The following NXPE2 variants were observed in gnomAD, a reference collection of about 807,000 sequenced individuals.
NXPE2 encodes the protein NXPE family member 2.
A neutral mutation model predicts 34.4 loss-of-function variants in NXPE2; 34 were observed. The observed-to-expected ratio is 0.99, with a 90% CI of 0.75 to 1.31. NXPE2 has a LOEUF of 1.31. NXPE2 is among the 40% of genes most tolerant of loss of function. The probability of loss-of-function intolerance (pLI) is 0.00; values close to 1 mark genes in which losing one functional copy is unlikely to be tolerated. For missense variants in NXPE2, 649 were observed against 672.5 expected, an observed-to-expected ratio of 0.97 and a Z score of 0.39; for synonymous variants, 235 against 231.3, an observed-to-expected ratio of 1.02 and a Z score of -0.15.
chr11:114,743,935 G>C, the NXPE2 span, among the ~76,000 whole-genome samples: 1 of 151,202 alleles, frequency 6.6e-6, no homozygotes, highest in Non-Finnish European at 1.5e-5. Context: ...ATATATAAGT[G>C]TATATTTATA....
chr11:114,685,390 T>C (rs1951028380), intron 2 of NXPE2, among the ~76,000 whole-genome samples: 1 of 152,152 alleles, frequency 6.6e-6, no homozygotes, highest in South Asian at 2.1e-4. Context: ...TGTACTTACA[T>C]GGTGGAATGG....
chr11:114,684,632 C>A (rs1212421202), intron 2 of NXPE2, among the ~76,000 whole-genome samples: 1 of 151,678 alleles, frequency 6.6e-6, no homozygotes. Context: ...GGAAGAGGAC[C>A]CTTGAGAAAC....
chr11:114,624,395 T>C, the NXPE2 span, among the ~76,000 whole-genome samples: 26 of 152,182 alleles, frequency 1.7e-4, no homozygotes, highest in East Asian at 4.1e-3. Flanking sequence ...ATGATAAGTA[T>C]TGCCTCATTG....
the NXPE2 span, among the ~76,000 whole-genome samples, chr11:114,779,569 G>A: frequency 3.3e-5 from 5 of 152,132 alleles, no homozygotes; most frequent in South Asian, 2.1e-4. Context: ...TTGATGTTGC[G>A]GGGACTTCTG....
the NXPE2 span, among the ~76,000 whole-genome samples, chr11:114,563,748 A>T: frequency 6.6e-6 from 1 of 152,250 alleles, no homozygotes; most frequent in Non-Finnish European, 1.5e-5. Context: ...TATCAGGGAA[A>T]TACAAATCGA....
the NXPE2 span, among the ~76,000 whole-genome samples, chr11:114,594,280 TATC>T: frequency 6.6e-6 from 1 of 152,182 alleles, no homozygotes; most frequent in Non-Finnish European, 1.5e-5. Context: ...TGTATCAAAA[TATC>T]TCATCTACCC....
chr11:114,597,233 T>A, the NXPE2 span, among the ~76,000 whole-genome samples: 9 of 152,014 alleles, frequency 5.9e-5, no homozygotes, highest in Admixed American at 2.0e-4. Flanking sequence ...TAATAAAAAA[T>A]GTTTGATTAG....
At chr11:114,478,885 C>A in the NXPE2 span, among the ~76,000 whole-genome samples, 2 of 152,202 alleles carry the variant, frequency 1.3e-5, no homozygotes, top group African/African-American at 2.4e-5. Context: ...GTAAAAAAGA[C>A]AGGCATGCTT....
At chr11:114,785,210 C>T in the NXPE2 span, among the ~76,000 whole-genome samples, 3 of 152,066 alleles carry the variant, frequency 2.0e-5, no homozygotes, top group Non-Finnish European at 4.4e-5. Context: ...AAATTACACT[C>T]AATGCTGAAC....
the NXPE2 span, among the ~76,000 whole-genome samples, chr11:114,658,502 A>C: frequency 6.6e-6 from 1 of 152,074 alleles, no homozygotes; most frequent in East Asian, 1.9e-4. Flanking sequence ...GCAGGCCTGG[A>C]GGGGGAGGGT....
the NXPE2 span, among the ~76,000 whole-genome samples, chr11:114,749,890 C>G: frequency 1.6e-4 from 24 of 152,290 alleles, no homozygotes; most frequent in Admixed American, 1.4e-3. Flanking sequence ...TCCCCACCCA[C>G]CCCATCTGTG....
chr11:114,688,763 A>G (rs759762854), intron 2 of NXPE2, among the ~76,000 whole-genome samples: 134 of 152,118 alleles, frequency 8.8e-4, no homozygotes, highest in South Asian at 6.2e-3. Context: ...ATTATGATTC[A>G]ATGTCTTTAG....
At chr11:114,560,525 C>A in the NXPE2 span, among the ~76,000 whole-genome samples, 5 of 152,090 alleles carry the variant, frequency 3.3e-5, no homozygotes, top group Admixed American at 1.3e-4. Flanking sequence ...CCTCGGCCAC[C>A]CAAAGTGCTG....
At chr11:114,726,136 A>G in the NXPE2 span, among the ~76,000 whole-genome samples, 1 of 151,666 alleles carries the variant, frequency 6.6e-6, no homozygotes, top group Non-Finnish European at 1.5e-5. Flanking sequence ...AGTTGGATAT[A>G]GAATTCTGTG....
At chr11:114,581,600 C>A in the NXPE2 span, 1 of 757,248 alleles carries the variant, frequency 1.3e-6, no homozygotes, top group South Asian at 1.7e-5. Context: ...TCTTGGCCAA[C>A]CTTAGATAAG....
At chr11:114,507,178 A>C in the NXPE2 span, among the ~76,000 whole-genome samples, 2 of 151,720 alleles carry the variant, frequency 1.3e-5, no homozygotes, top group Non-Finnish European at 2.9e-5. Flanking sequence ...ACCAGGAAAA[A>C]ATTGAATCCC....
chr11:114,568,796 C>A, the NXPE2 span, among the ~76,000 whole-genome samples: 1 of 152,146 alleles, frequency 6.6e-6, no homozygotes, highest in Non-Finnish European at 1.5e-5. Context: ...TACCCTATCA[C>A]TGATGTGATA....
chr11:114,472,832 T>A, the NXPE2 span, among the ~76,000 whole-genome samples: 2 of 152,216 alleles, frequency 1.3e-5, no homozygotes, highest in Admixed American at 1.3e-4. Flanking sequence ...GGCAAACATA[T>A]GGGTTCATGA....
the NXPE2 span, among the ~76,000 whole-genome samples, chr11:114,660,656 T>G: frequency 6.6e-6 from 1 of 152,112 alleles, no homozygotes; most frequent in Non-Finnish European, 1.5e-5. Flanking sequence ...TGATATCATG[T>G]TCAATGGTGA....
Sources: allele counts gnomAD v4.1 joint callset (sites outside exome capture counted in the v4.1 genomes callset), GRCh38; gene constraint gnomAD v4.1.1; transcripts MANE v1.5; gene names NCBI Gene and HGNC (gene_info 2026-07-23, HGNC 2026-07-21).